TPST1: variants seen among roughly 807,000 people sequenced by gnomAD.
TPST1 encodes tyrosylprotein sulfotransferase 1.
Under a neutral mutation model 34.8 loss-of-function variants are expected in TPST1, and 20 were observed. The observed-to-expected ratio is 0.57, with a 90% CI of 0.40 to 0.84. TPST1 has a LOEUF of 0.84. TPST1 is among the 40% of genes least tolerant of loss of function. The pLI is 0.00. For missense variants in TPST1, 353 were observed against 455.5 expected (o/e 0.78, Z 2.05); for synonymous variants, 152 against 159.4 (o/e 0.95, Z 0.35).
At chr7:66,222,664 A>G (rs1004627866) in intron 1 of TPST1, among the ~76,000 whole-genome samples, 1 of 152,146 alleles carries the variant, frequency 6.6e-6, no homozygotes, top group East Asian at 1.9e-4. Context: ...AGGCAGCACC[A>G]TGAGCAGAGG....
chr7:66,259,576 T>C (rs934524111), intron 2 of TPST1, among the ~76,000 whole-genome samples: 2 of 152,164 alleles, frequency 1.3e-5, no homozygotes, highest in Non-Finnish European at 2.9e-5. Context: ...GTTCACTGAT[T>C]TTTTTCAATT....
intron 3 of TPST1, among the ~76,000 whole-genome samples, chr7:66,309,293 G>A (rs1791483642): frequency 6.6e-6 from 1 of 152,182 alleles, no homozygotes; most frequent in African/African-American, 2.4e-5. Flanking sequence ...GGCCAACCAG[G>A]TGAGGAAATT....
intron 1 of TPST1, among the ~76,000 whole-genome samples, chr7:66,237,335 GT>G (rs748643842): frequency 4.6e-5 from 7 of 152,182 alleles, no homozygotes; most frequent in Non-Finnish European, 1.0e-4. Context: ...CCTTTTAGCA[GT>G]TTTTCAAGCA....
intron 3 of TPST1, among the ~76,000 whole-genome samples, chr7:66,331,747 CATTT>C (rs1319150500): frequency 2.6e-5 from 4 of 152,050 alleles, no homozygotes; most frequent in African/African-American, 9.7e-5. Flanking sequence ...TTCTTTGTTT[CATTT>C]GTTACCTCTT....
At chr7:66,229,790 G>T (rs988792503) in intron 1 of TPST1, among the ~76,000 whole-genome samples, 38 of 152,206 alleles carry the variant, frequency 2.5e-4, no homozygotes, top group African/African-American at 8.7e-4. Flanking sequence ...TGTCAGCACG[G>T]TTCAGTATAT....
At chr7:66,276,819 C>T (rs928201360) in intron 2 of TPST1, among the ~76,000 whole-genome samples, 1 of 151,194 alleles carries the variant, frequency 6.6e-6, no homozygotes, top group African/African-American at 2.4e-5. Flanking sequence ...GTCTTTTTTT[C>T]TCTATAGGAA....
At position 66,276,365 on chromosome 7, in the gene TPST1, C is replaced by CATATAT. The variant is rs138862941; in HGVS notation, c.846-10135_846-10130dup. ...TTCTTCTTAAATTTTAAAAACATTTCATATATATATATATATGTATTTTTT... is the reference window on the plus strand; with the variant it reads ...TTCTTCTTAAATTTTAAAAACATTTCATATATATATATATATATATATGTATTTTTT... On this transcript the variant is annotated intron_variant, in intron 2 of 5. Coordinates refer to ENST00000304842, the MANE Select transcript of TPST1 (RefSeq NM_003596.4). Among the ~76,000 whole-genome samples the CATATAT allele has an allele frequency of 2.3e-3, 213 of 90,872 alleles. 25 individuals are homozygous for CATATAT. Among genetic ancestry groups the CATATAT allele is most frequent in the African/African-American group, 0.011 (179 of 16,828 alleles). 59.6% of individuals were successfully genotyped at this position (90,872 alleles called of 152,430 possible). A position where few individuals can be genotyped will look rare whatever the true frequency, so the allele number is the denominator to read the frequency against.
intron 4 of TPST1, among the ~76,000 whole-genome samples, chr7:66,354,994 C>T (rs769247434): frequency 2.6e-4 from 39 of 151,822 alleles, no homozygotes; most frequent in Admixed American, 1.8e-3. Flanking sequence ...CTCATAAAAA[C>T]GAAGAAGATA....
At chr7:66,222,816 A>G (rs1045085343) in intron 1 of TPST1, among the ~76,000 whole-genome samples, 23 of 152,200 alleles carry the variant, frequency 1.5e-4, no homozygotes, top group Non-Finnish European at 1.5e-5. Context: ...CCTGTTCTTT[A>G]AAAGCCCCTT....
chr7:66,236,648 C>G (rs976920716), intron 1 of TPST1, among the ~76,000 whole-genome samples: 1 of 152,182 alleles, frequency 6.6e-6, no homozygotes, highest in East Asian at 1.9e-4. Flanking sequence ...ACCTTGGGCA[C>G]AGGTCATCAG....
intron 2 of TPST1, among the ~76,000 whole-genome samples, chr7:66,258,139 G>GT (rs550525450): frequency 2.7e-4 from 41 of 150,230 alleles, no homozygotes; most frequent in East Asian, 5.9e-4. Flanking sequence ...CTCTATGTCT[G>GT]TTTTTTTTTA....
chr7:66,338,239 A>G (rs1367030080), intron 3 of TPST1, among the ~76,000 whole-genome samples: 1 of 152,222 alleles, frequency 6.6e-6, no homozygotes, highest in Non-Finnish European at 1.5e-5. Context: ...AAAAAAGACA[A>G]GGCCATTATA....
intron 3 of TPST1, among the ~76,000 whole-genome samples, chr7:66,351,452 G>C (rs1164826921): frequency 6.6e-6 from 1 of 152,052 alleles, no homozygotes; most frequent in African/African-American, 2.4e-5. Context: ...CTATCCTTGT[G>C]CCAAAACCCT....
intron 3 of TPST1, among the ~76,000 whole-genome samples, chr7:66,311,100 AT>A (rs879645026): frequency 3.0e-4 from 45 of 148,382 alleles, no homozygotes; most frequent in South Asian, 1.7e-3. Context: ...ACTTGGCAGG[AT>A]TTTTTTTTTC....
intron 1 of TPST1, among the ~76,000 whole-genome samples, chr7:66,226,995 AAC>A (rs1211099755): frequency 7.1e-6 from 1 of 140,098 alleles, no homozygotes; most frequent in Non-Finnish European, 1.5e-5. Flanking sequence ...GGAGAAATTT[AAC>A]ACAGTTTGGT....
chr7:66,266,609 C>T (rs535912139), intron 2 of TPST1, among the ~76,000 whole-genome samples: 4 of 152,284 alleles, frequency 2.6e-5, no homozygotes, highest in Non-Finnish European at 5.9e-5. Context: ...ATAGTAATAG[C>T]TGAAAGCTAG....
At chr7:66,201,434 A>C (rs1298298765), upstream of TPST1, among the ~76,000 whole-genome samples, 1 of 151,580 alleles carries the variant, frequency 6.6e-6, no homozygotes, top group Non-Finnish European at 1.5e-5. Flanking sequence ...CTTACACCTG[A>C]AATCCCAGCA....
chr7:66,225,723 G>A (rs1161705106), intron 1 of TPST1, among the ~76,000 whole-genome samples: 1 of 152,230 alleles, frequency 6.6e-6, no homozygotes, highest in African/African-American at 2.4e-5. Context: ...GTATATAAGG[G>A]TAATGATCAG....
chr7:66,334,938 A>T (rs1444626692), intron 3 of TPST1, among the ~76,000 whole-genome samples: 5 of 152,132 alleles, frequency 3.3e-5, no homozygotes, highest in Non-Finnish European at 7.4e-5. Flanking sequence ...GAGCTGAACT[A>T]TCTGGGGTAA....
Sources: gnomAD v4.1 joint callset for allele counts (sites outside exome capture counted in the v4.1 genomes callset) on GRCh38, gnomAD v4.1.1 for gene constraint, MANE v1.5 for transcripts, NCBI Gene and HGNC (gene_info 2026-07-23, HGNC 2026-07-21) for gene names.